CACNA2D4: variants seen among roughly 807,000 people sequenced by gnomAD.
The protein encoded by CACNA2D4 is calcium voltage-gated channel auxiliary subunit alpha2delta 4.
Under a neutral mutation model 163.8 loss-of-function variants are expected in CACNA2D4, and 157 were observed. That is an observed-to-expected ratio of 0.96 (90% CI 0.84 to 1.09). The LOEUF is 1.09. CACNA2D4 is among the 50% of genes least tolerant of loss of function. CACNA2D4 has a pLI of 0.00. For synonymous variants in CACNA2D4, 598 were observed against 586.9 expected, an observed-to-expected ratio of 1.02 and a Z score of -0.27; for missense variants, 1,410 against 1,479.9, an observed-to-expected ratio of 0.95 and a Z score of 0.78.
chr12:1,846,861 C>T (rs1047706122), intron 23 of CACNA2D4, among the ~76,000 whole-genome samples, 172 bp from the exon 24 acceptor site: 20 of 152,350 alleles, frequency 1.3e-4, no homozygotes, highest in African/African-American at 4.1e-4. Context: ...CTGCTGGCAT[C>T]CACGGTGCCC....
intron 28 of CACNA2D4, 94 bp from the exon 29 acceptor site, chr12:1,810,434 T>C: frequency 6.6e-7 from 1 of 1,524,144 alleles, no homozygotes; most frequent in Admixed American, 1.8e-5. Flanking sequence ...GCGTGGGAGC[T>C]TCACTGCAGG....
rs1592650615 is a variant in CACNA2D4 at position 1,801,605 on chromosome 12, T to G, written c.2761A>C (p.Thr921Pro). 1 of 1,591,824 alleles carries G rather than the reference T, an allele frequency of 6.3e-7. No homozygotes were observed. The highest frequency in any genetic ancestry group is 8.6e-7 in the Non-Finnish European group (1 of 1,169,202). Residue 921 changes from threonine (T) to proline (P), a missense_variant, in exon 30 of 38, where the codon ACC becomes CCC. Transcript: ENST00000382722. ...AACACCCCCATGCTGAGCAGCTGGG[T>G]CAGGACAGCACCATCCACCTCCCCC... ...FLGEVDGAVL[T>P]QLLSMGVFSQ...
chr12:1,871,495 ATGTG>A (rs1435627721), intron 18 of CACNA2D4, among the ~76,000 whole-genome samples: 1 of 141,528 alleles, frequency 7.1e-6, no homozygotes, highest in South Asian at 2.3e-4. Context: ...GCATATGTAC[ATGTG>A]TGTGTTGCTG....
chr12:1,855,292 A>G, intron 22 of CACNA2D4, among the ~76,000 whole-genome samples: 1 of 152,312 alleles, frequency 6.6e-6, no homozygotes, highest in South Asian at 2.1e-4. Context: ...AAATGAATAA[A>G]TAAGTAAGTA....
chr12:1,826,505 C>G (rs986811078), intron 26 of CACNA2D4, among the ~76,000 whole-genome samples: 1 of 152,016 alleles, frequency 6.6e-6, no homozygotes, highest in South Asian at 2.1e-4. Flanking sequence ...GCTCCTCCAC[C>G]CCTCATGCCA....
intron 35 of CACNA2D4, among the ~76,000 whole-genome samples, chr12:1,796,595 C>G (rs1863134785): frequency 6.6e-6 from 1 of 152,220 alleles, no homozygotes; most frequent in Non-Finnish European, 1.5e-5. Flanking sequence ...AACGCTAACC[C>G]CAGCCCTCAA....
intron 19 of CACNA2D4, among the ~76,000 whole-genome samples, chr12:1,859,318 C>T (rs932834035): frequency 3.4e-4 from 52 of 152,004 alleles, no homozygotes; most frequent in African/African-American, 1.2e-3. Flanking sequence ...GTTTGTGCCA[C>T]GGCACTTCAG....
At chr12:1,912,927 G>T (rs957506808) in intron 3 of CACNA2D4, 96 bp downstream of exon 3, 5 of 727,960 alleles carry the variant, frequency 6.9e-6, no homozygotes, top group South Asian at 3.3e-5. Context: ...GGTCACGAGG[G>T]GGGAGGATGC....
chr12:1,857,649 T>G (rs1865430050), intron 20 of CACNA2D4, among the ~76,000 whole-genome samples: 1 of 151,984 alleles, frequency 6.6e-6, no homozygotes, highest in Admixed American at 6.5e-5. Flanking sequence ...TCTCCTAAGG[T>G]GATTGGGCCA....
Position 1,801,455 on chromosome 12 carries a change from T to C in CACNA2D4, c.2792+119A>G, listed in dbSNP as rs991743324. ...TCCATAAAGGTTGCTTTTGCAGCTCTTTGGGGGCACCCACTGTGGGTTTTG... is the reference window on the plus strand; with the variant it reads ...TCCATAAAGGTTGCTTTTGCAGCTCCTTGGGGGCACCCACTGTGGGTTTTG... On this transcript the variant is annotated intron_variant, in intron 30 of 37. Coordinates refer to ENST00000382722, the MANE Select transcript of CACNA2D4 (RefSeq NM_172364.5). 37 of 875,854 alleles carry C rather than the reference T, an allele frequency of 4.2e-5. No homozygotes were observed. The East Asian group carries it at 9.2e-4, about 22-fold the overall frequency. The allele number at this position is 875,854 out of a possible 1,614,324, so 54.3% of individuals were successfully genotyped here. A position where few individuals can be genotyped will look rare whatever the true frequency, so the allele number is the denominator to read the frequency against.
intron 20 of CACNA2D4, 41 bp from the exon 21 acceptor site, chr12:1,856,270 G>A: frequency 1.2e-6 from 2 of 1,606,868 alleles, no homozygotes; most frequent in Non-Finnish European, 1.7e-6. Context: ...CTCCCTCACT[G>A]CCATGAGGGT....
At chr12:1,914,771 C>A in intron 2 of CACNA2D4, 83 bp downstream of exon 2, 2 of 887,856 alleles carry the variant, frequency 2.3e-6, no homozygotes, top group South Asian at 1.4e-5. Context: ...TGCCCAAGGC[C>A]CCTCACAGCA....
At chr12:1,819,917 G>A (rs1161851016) in intron 26 of CACNA2D4, among the ~76,000 whole-genome samples, 1 of 152,302 alleles carries the variant, frequency 6.6e-6, no homozygotes, top group African/African-American at 2.4e-5. Flanking sequence ...CTGGCGTCGG[G>A]TGGTCAGACC....
At chr12:1,896,600 TTAA>T (rs1866405601) in intron 6 of CACNA2D4, among the ~76,000 whole-genome samples, 1 of 132,004 alleles carries the variant, frequency 7.6e-6, no homozygotes, top group African/African-American at 2.9e-5. Context: ...AGAATAGCTA[TTAA>T]TAAACACACA....
intron 18 of CACNA2D4, among the ~76,000 whole-genome samples, chr12:1,865,009 G>T (rs766390041): frequency 1.3e-5 from 2 of 152,050 alleles, no homozygotes; most frequent in African/African-American, 2.4e-5. Flanking sequence ...CCGCGCTCCC[G>T]CTGGCTGAGG....
chr12:1,837,534 C>T (rs1163134239), intron 26 of CACNA2D4, among the ~76,000 whole-genome samples: 1 of 152,128 alleles, frequency 6.6e-6, no homozygotes, highest in African/African-American at 2.4e-5. Context: ...GCCCGAGAAC[C>T]CCCTCCTCAG....
chr12:1,793,383 G>T lies in CACNA2D4; in HGVS notation c.*272C>A. On this transcript the variant is annotated 3_prime_UTR_variant, in exon 38 of 38. Coordinates refer to ENST00000382722, the MANE Select transcript of CACNA2D4 (RefSeq NM_172364.5). ...GAGCTCACGCTGGCTTCCCGAAGAG[G>T]AGACAGGAAGGTTAGGTCAGAAGTA... 1 of 533,290 alleles carries T rather than the reference G, an allele frequency of 1.9e-6. No individual in the cohort carries two copies. The highest frequency in any genetic ancestry group is 3.4e-6 in the Non-Finnish European group (1 of 296,996). The allele number at this position is 533,290 out of a possible 1,614,324, so 33.0% of individuals were successfully genotyped here.
chr12:1,835,512 T>C (rs1592698250), intron 26 of CACNA2D4: 1 of 152,082 alleles, frequency 6.6e-6, no homozygotes, highest in East Asian at 1.9e-4. Flanking sequence ...TCCCCAGGGG[T>C]CTCCCTGAGA....
intron 29 of CACNA2D4, among the ~76,000 whole-genome samples, chr12:1,804,337 G>A (rs1004895492): frequency 2.6e-5 from 4 of 152,178 alleles, no homozygotes; most frequent in African/African-American, 9.7e-5. Flanking sequence ...AAGTGCAGCG[G>A]GGTGCAGACA....
Sources: gnomAD v4.1 joint callset for allele counts (sites outside exome capture counted in the v4.1 genomes callset) on GRCh38, gnomAD v4.1.1 for gene constraint, MANE v1.5 for transcripts, NCBI Gene and HGNC (gene_info 2026-07-23, HGNC 2026-07-21) for gene names.